Variants in LARGE1 observed in about 807,000 individuals in gnomAD.
The protein encoded by LARGE1 is LARGE xylosyl- and glucuronyltransferase 1.
In LARGE1, 43 loss-of-function variants were observed where a neutral mutation model predicts 87.6. The observed-to-expected ratio is 0.49, with a 90% confidence interval of 0.38 to 0.63. LARGE1 has a LOEUF of 0.63. LARGE1 is among the 30% of genes least tolerant of loss of function. The pLI is 0.00. For missense variants in LARGE1, 802 were observed against 1,000.2 expected (o/e 0.80, Z 2.67); for synonymous variants, 434 against 394.6 (o/e 1.10, Z -1.18).
At chr22:33,812,824 C>T (rs1334328532) in intron 1 of LARGE1, among the ~76,000 whole-genome samples, 1 of 152,226 alleles carries the variant, frequency 6.6e-6, no homozygotes, top group Non-Finnish European at 1.5e-5. Flanking sequence ...ACACGCCAGG[C>T]CCTGTGCTAG....
At chr22:33,084,699 A>G in the LARGE1 span, among the ~76,000 whole-genome samples, 2 of 152,174 alleles carry the variant, frequency 1.3e-5, no homozygotes, top group South Asian at 4.1e-4. Flanking sequence ...TAAGCCACAT[A>G]TGTAATTTTA....
intron 4 of LARGE1, among the ~76,000 whole-genome samples, chr22:33,621,208 T>C (rs2079740187): frequency 6.6e-6 from 1 of 152,204 alleles, no homozygotes; most frequent in South Asian, 2.1e-4. Flanking sequence ...TTCTTAAGTA[T>C]TATCCAATTT....
intron 2 of LARGE1, among the ~76,000 whole-genome samples, chr22:33,650,974 TC>T (rs2080783798): frequency 6.6e-6 from 1 of 151,936 alleles, no homozygotes; most frequent in Middle Eastern, 3.2e-3. Context: ...TAAGTAGGCT[TC>T]TTAACAATAA....
At chr22:33,548,605 G>A (rs1187235993) in intron 6 of LARGE1, among the ~76,000 whole-genome samples, 2 of 152,108 alleles carry the variant, frequency 1.3e-5, no homozygotes, top group Admixed American at 1.3e-4. Context: ...AGGAGAGATA[G>A]GGTTTCTCCA....
chr22:33,092,609 C>T, the LARGE1 span, among the ~76,000 whole-genome samples: 1 of 152,028 alleles, frequency 6.6e-6, no homozygotes, highest in Non-Finnish European at 1.5e-5. Context: ...TCCTGATGTT[C>T]TCCCTCCCCC....
intron 12 of LARGE1, among the ~76,000 whole-genome samples, chr22:33,290,224 T>G (rs1932284734): frequency 6.6e-6 from 1 of 152,106 alleles, no homozygotes; most frequent in Non-Finnish European, 1.5e-5. Flanking sequence ...CAGGTCCCTG[T>G]AACCAGGGAA....
At chr22:33,887,886 G>A (rs1196757539) in intron 1 of LARGE1, among the ~76,000 whole-genome samples, 5 of 152,142 alleles carry the variant, frequency 3.3e-5, no homozygotes, top group Admixed American at 6.5e-5. Context: ...GAAGATCAAC[G>A]CCAATACAAG....
the LARGE1 span, among the ~76,000 whole-genome samples, chr22:33,103,993 A>C: frequency 6.6e-6 from 1 of 152,214 alleles, no homozygotes; most frequent in East Asian, 1.9e-4. Flanking sequence ...CTCCCCAGCC[A>C]CATGGAACCG....
At chr22:33,802,168 G>T (rs903787015) in intron 1 of LARGE1, among the ~76,000 whole-genome samples, 2 of 152,238 alleles carry the variant, frequency 1.3e-5, no homozygotes, top group South Asian at 2.1e-4. Context: ...AGAAACAAAA[G>T]AAATTCTGAC....
intron 4 of LARGE1, among the ~76,000 whole-genome samples, chr22:33,615,936 A>T (rs1313877058): frequency 6.6e-6 from 1 of 152,190 alleles, no homozygotes; most frequent in Non-Finnish European, 1.5e-5. Flanking sequence ...ATCATTAATC[A>T]TTAGGGAAAT....
At chr22:33,867,731 C>G (rs1181479699) in intron 1 of LARGE1, among the ~76,000 whole-genome samples, 1 of 152,176 alleles carries the variant, frequency 6.6e-6, no homozygotes, top group African/African-American at 2.4e-5. Context: ...TCCTCTAGTC[C>G]CGATCGCTCC....
At position 33,457,794 on chromosome 22, in the gene LARGE1, G is replaced by A. The variant is rs374749088; in HGVS notation, c.788-25529C>T. ...AAGAGTTTATTGGGCAGAGTGGGAG[G>A]TAGAAGGCCTTCCAGGCTGAGGAAA... On this transcript the variant is annotated intron_variant, in intron 6 of 14. Transcript: ENST00000397394. Among the ~76,000 whole-genome samples, 12 of 152,286 alleles carry A rather than the reference G, an allele frequency of 7.9e-5. No homozygotes were observed. The East Asian group carries it at 1.4e-3, about 17-fold the overall frequency.
chr22:33,192,254 G>T (rs375713860), intron 11 of LARGE1, among the ~76,000 whole-genome samples: 1 of 152,158 alleles, frequency 6.6e-6, no homozygotes, highest in South Asian at 2.1e-4. Context: ...TGAGACATCC[G>T]AAAGGTGTTT....
At chr22:33,764,889 C>T (rs2084851654) in intron 1 of LARGE1, among the ~76,000 whole-genome samples, 1 of 152,166 alleles carries the variant, frequency 6.6e-6, no homozygotes. Flanking sequence ...ACAGTTGCAA[C>T]CATCCGTTTT....
chr22:33,358,673 T>TA (rs1351731007), intron 9 of LARGE1, among the ~76,000 whole-genome samples: 1 of 152,146 alleles, frequency 6.6e-6, no homozygotes, highest in Non-Finnish European at 1.5e-5. Context: ...GACTGGGGTC[T>TA]AAAATTCAGC....
At chr22:33,067,600 TCA>T in the LARGE1 span, among the ~76,000 whole-genome samples, 1 of 152,186 alleles carries the variant, frequency 6.6e-6, no homozygotes, top group Non-Finnish European at 1.5e-5. Context: ...CTTACTAAAG[TCA>T]CACACTCTAA....
chr22:33,369,095 T>C (rs2064707823), intron 9 of LARGE1, among the ~76,000 whole-genome samples: 1 of 152,266 alleles, frequency 6.6e-6, no homozygotes, highest in African/African-American at 2.4e-5. Flanking sequence ...TGATGCAGTT[T>C]GATAATTCTT....
At chr22:33,698,576 A>T (rs983019306) in intron 2 of LARGE1, among the ~76,000 whole-genome samples, 20 of 152,158 alleles carry the variant, frequency 1.3e-4, no homozygotes, top group African/African-American at 4.6e-4. Flanking sequence ...TCCCAAAGGG[A>T]TTATAAACGT....
At chr22:33,100,257 A>G in the LARGE1 span, among the ~76,000 whole-genome samples, 1 of 150,660 alleles carries the variant, frequency 6.6e-6, no homozygotes, top group Non-Finnish European at 1.5e-5. Context: ...CTGAGGCAAG[A>G]GAATCGCTTG....
Sources: gnomAD v4.1 joint callset for allele counts (sites outside exome capture counted in the v4.1 genomes callset) on GRCh38, gnomAD v4.1.1 for gene constraint, MANE v1.5 for transcripts, NCBI Gene and HGNC (gene_info 2026-07-23, HGNC 2026-07-21) for gene names.